GABRG1: variants seen among roughly 807,000 people sequenced by gnomAD.
GABRG1 encodes the protein gamma-aminobutyric acid receptor subunit gamma-1.
Under a neutral mutation model 49.8 loss-of-function variants are expected in GABRG1, and 49 were observed. That is an observed-to-expected ratio of 0.98 (90% CI 0.78 to 1.25). GABRG1 has a LOEUF of 1.25. GABRG1 is among the 50% of genes most tolerant of loss of function. GABRG1 has a pLI of 0.00. For missense variants in GABRG1, 552 were observed against 552.3 expected (o/e 1.00, Z 0.01); for synonymous variants, 232 against 185.1 (o/e 1.25, Z -2.06).
intron 2 of GABRG1, among the ~76,000 whole-genome samples, chr4:46,087,465 C>A (rs1215862357): frequency 6.6e-6 from 1 of 151,010 alleles, no homozygotes; most frequent in South Asian, 2.1e-4. Context: ...TTTAAAAATC[C>A]CTAAATATTT....
intron 8 of GABRG1, among the ~76,000 whole-genome samples, chr4:46,041,845 T>C (rs898869043): frequency 1.3e-5 from 2 of 151,994 alleles, no homozygotes; most frequent in Non-Finnish European, 1.5e-5. Flanking sequence ...TCTGTCTTCA[T>C]AGCTGGAATT....
chr4:46,110,371 A>C (rs73146805), intron 1 of GABRG1, among the ~76,000 whole-genome samples: 14,587 of 150,982 alleles, frequency 0.097, 1,763 homozygotes, highest in African/African-American at 0.29. Flanking sequence ...TTAAAACTTT[A>C]TCTAAACTTT....
intron 8 of GABRG1, among the ~76,000 whole-genome samples, chr4:46,049,332 C>T (rs1170409469): frequency 6.6e-6 from 1 of 151,844 alleles, no homozygotes; most frequent in Admixed American, 6.6e-5. Context: ...GACCATATGG[C>T]TGTACACTGA....
chr4:46,042,096 T>C (rs367757555), intron 8 of GABRG1, among the ~76,000 whole-genome samples: 25 of 152,082 alleles, frequency 1.6e-4, no homozygotes, highest in African/African-American at 6.0e-4. Context: ...ATAAAAACAT[T>C]GTAGGTTTGC....
chr4:46,100,241 T>C (rs1720334067), intron 1 of GABRG1, among the ~76,000 whole-genome samples: 1 of 151,674 alleles, frequency 6.6e-6, no homozygotes, highest in Non-Finnish European at 1.5e-5. Flanking sequence ...AGTTGTCACA[T>C]GTTCTCATTT....
chr4:46,099,181 T>C (rs751596869), intron 1 of GABRG1, among the ~76,000 whole-genome samples: 11 of 151,712 alleles, frequency 7.3e-5, no homozygotes, highest in Non-Finnish European at 1.3e-4. Context: ...TTTGCAATAC[T>C]CCTTCCAGCA....
At chr4:46,072,681 T>A (rs1719174998) in intron 3 of GABRG1, among the ~76,000 whole-genome samples, 1 of 152,018 alleles carries the variant, frequency 6.6e-6, no homozygotes, top group Non-Finnish European at 1.5e-5. Flanking sequence ...TTGAACTTGA[T>A]CTGAATGACC....
rs1717567929 is a variant in GABRG1, at chr4:46,037,265, A to G, written c.*3723T>C. The G allele has an allele frequency of 6.6e-6, 1 of 151,860 alleles. No individual in the cohort carries two copies. Among genetic ancestry groups the G allele is most frequent in the African/African-American group, 2.4e-5 (1 of 41,408 alleles). 9.4% of individuals were successfully genotyped at this position (151,860 alleles called of 1,614,324 possible). ...ACCTCACTTCCGAAATGCAAACACA[A>G]AAAGTCAGAGCTGACCTTACATTAA... On this transcript the variant is annotated 3_prime_UTR_variant, in exon 9 of 9. Transcript: ENST00000295452.
rs1577671366 is a variant in GABRG1 at position 46,113,697 on chromosome 4, G to C, written c.104+10113C>G. 3.3e-5 allele frequency among the ~76,000 whole-genome samples: 5 copies of C among 151,116 alleles called. No homozygotes were observed. In the Admixed American group the frequency reaches 3.3e-4, roughly 10 times the overall value. ...TGTTTACTGTGTATTTCTCCCTCCT[G>C]AGTGCCAACTCCAAAATGGTAGAAG... On this transcript the variant is annotated intron_variant, in intron 1 of 8. Transcript: ENST00000295452.
intron 1 of GABRG1, among the ~76,000 whole-genome samples, chr4:46,103,191 G>A (rs959854310): frequency 1.3e-5 from 2 of 151,458 alleles, no homozygotes; most frequent in Admixed American, 1.3e-4. Context: ...GCTTAATAAG[G>A]TGCCTGAGGA....
intron 2 of GABRG1, among the ~76,000 whole-genome samples, chr4:46,090,609 T>C (rs1027823934): frequency 6.6e-6 from 1 of 152,044 alleles, no homozygotes; most frequent in Admixed American, 6.6e-5. Context: ...TGATGCTTCC[T>C]TTGTGGTTTA....
rs776643051 is a variant in GABRG1, at chr4:46,065,387, A to C, written c.519T>G (p.Asp173Glu). The C allele has an allele frequency of 2.5e-6, 4 of 1,609,502 alleles. No homozygotes were observed. Among genetic ancestry groups the C allele is most frequent in the Non-Finnish European group, 3.4e-6 (4 of 1,175,996 alleles). ...TPNRLLRIWN[D>E]GRVLYTLRLT... ...ACCTTAGAGTATACAGAACTCGTCC[A>C]TCATTCCAAATTCGAAGCAGACGAT... Residue 173 changes from aspartate to glutamate, a missense_variant, in exon 4 of 9, where the codon GAT (aspartate) becomes GAG (glutamate). Physicochemically the swap from Asp to Glu is conservative, Grantham distance 45. Transcript: ENST00000295452.
At chr4:46,079,572 C>T (rs1719488939) in intron 3 of GABRG1, among the ~76,000 whole-genome samples, 1 of 151,850 alleles carries the variant, frequency 6.6e-6, no homozygotes, top group African/African-American at 2.4e-5. Flanking sequence ...TATTAGTCAT[C>T]TCTTAATATT....
At chr4:46,103,125 CG>C (rs1720434981) in intron 1 of GABRG1, among the ~76,000 whole-genome samples, 1 of 151,358 alleles carries the variant, frequency 6.6e-6, no homozygotes, top group African/African-American at 2.4e-5. Flanking sequence ...GGTTCTGACA[CG>C]GGAGGGAGCT....
intron 8 of GABRG1, among the ~76,000 whole-genome samples, chr4:46,046,325 G>T (rs1260505876): frequency 1.3e-5 from 2 of 152,026 alleles, no homozygotes; most frequent in East Asian, 3.9e-4. Context: ...GCTGTTGGTG[G>T]TGGTATCTAT....
intron 3 of GABRG1, among the ~76,000 whole-genome samples, chr4:46,075,588 A>G (rs968412961): frequency 2.0e-5 from 3 of 152,060 alleles, no homozygotes; most frequent in Non-Finnish European, 2.9e-5. Context: ...TTTTCACAAA[A>G]TTGCCTTTTT....
At chr4:46,116,351 T>C (rs991381592) in intron 1 of GABRG1, among the ~76,000 whole-genome samples, 2 of 150,826 alleles carry the variant, frequency 1.3e-5, no homozygotes, top group Admixed American at 6.6e-5. Flanking sequence ...TTTAAGTTCA[T>C]TTTCATAGTG....
chr4:46,114,350 A>G (rs1455140861), intron 1 of GABRG1, among the ~76,000 whole-genome samples: 1 of 151,100 alleles, frequency 6.6e-6, no homozygotes, highest in Non-Finnish European at 1.5e-5. Flanking sequence ...ATCACTTAAC[A>G]TACATAGAGA....
intron 1 of GABRG1, among the ~76,000 whole-genome samples, chr4:46,109,753 C>G (rs1244975672): frequency 6.6e-6 from 1 of 150,996 alleles, no homozygotes. Context: ...TGATTTATCC[C>G]TTACTTTCAT....
Sources: allele counts gnomAD v4.1 joint callset (sites outside exome capture counted in the v4.1 genomes callset), GRCh38; gene constraint gnomAD v4.1.1; transcripts MANE v1.5; gene names NCBI Gene and HGNC (gene_info 2026-07-23, HGNC 2026-07-21).